Variants in BAZ1B observed in about 807,000 individuals in gnomAD.
The protein encoded by BAZ1B is bromodomain adjacent to zinc finger domain 1B, also known as tyrosine-protein kinase BAZ1B.
Under a neutral mutation model 153.8 loss-of-function variants are expected in BAZ1B, and 22 were observed. The observed-to-expected ratio is 0.14, with a 90% CI of 0.10 to 0.20. BAZ1B has a LOEUF of 0.20. Ranked by LOEUF, BAZ1B falls within the 10% of genes least tolerant of loss-of-function variation. The pLI, the probability that BAZ1B is intolerant of heterozygous loss-of-function variation, is 1.00. For missense variants in BAZ1B, 1,325 were observed against 1,799.3 expected (o/e 0.74, Z 4.77); for synonymous variants, 676 against 633.4 (o/e 1.07, Z -1.01).
chr7:73,446,082 G>A (rs1787825466), intron 16 of BAZ1B, among the ~76,000 whole-genome samples: 1 of 152,222 alleles, frequency 6.6e-6, no homozygotes, highest in South Asian at 2.1e-4. Context: ...GGGGGGGAAA[G>A]TGGGAGGACA....
rs898727996 is a variant in BAZ1B at position 73,521,886 on chromosome 7, C to T, written c.48G>A (p.Leu16=). 1 of 1,502,010 alleles carries T rather than the reference C, an allele frequency of 6.7e-7. No homozygotes were observed. The highest frequency in any genetic ancestry group is 2.1e-5 in the Admixed American group (1 of 47,396). The allele number at this position is 1,502,010 out of a possible 1,614,324, so 93.0% of individuals were successfully genotyped here. Reference sequence around the variant, plus strand: ...TGGTGAAGAGCGGCTCCTCTCCGGGCAACGGCTTCACCAGCGGGAAGGGCT... The same window carrying T: ...TGGTGAAGAGCGGCTCCTCTCCGGGTAACGGCTTCACCAGCGGGAAGGGCT... The part of the protein sequence containing the change: ...GRKPFPLVKP[L]PGEEPLFTIP... Residue 16 remains leucine (L), a synonymous_variant, in exon 1 of 20, where the codon TTG becomes TTA. Transcript: ENST00000339594.
At position 73,492,660 on chromosome 7, in the gene BAZ1B, T is replaced by A. The variant is rs1789698753; in HGVS notation, c.693+140A>T. The A allele has an allele frequency of 4.0e-6, 3 of 750,058 alleles. No homozygotes were observed. In the East Asian group the frequency reaches 8.2e-5, roughly 21 times the overall value. 46.5% of individuals were successfully genotyped at this position (750,058 alleles called of 1,614,324 possible). On this transcript the variant is annotated intron_variant, in intron 5 of 19. Transcript: ENST00000339594. The stretch of plus-strand genomic sequence containing the variant: ...TTTACATTAACTTGAAGTCATTAAT[T>A]ACTGTAACTACAAAACCACTCAGAA...
rs1788753759 is a variant in BAZ1B at position 73,470,381 on chromosome 7, C to T, written c.2696G>A (p.Arg899His). The T allele has an allele frequency of 2.5e-6, 4 of 1,614,068 alleles. No homozygotes were observed. The highest frequency in any genetic ancestry group is 4.5e-5 in the East Asian group (2 of 44,866). ...TCGATCTGTGCCAATAGGAGTCCTG[C>T]GCATGACTAGTTTGGCCTTGGCAAT... is the stretch of plus-strand genomic sequence containing the variant. Reference protein sequence around the residue: ...EGIAKAKLVMRRTPIGTDRNH... With the variant: ...EGIAKAKLVMHRTPIGTDRNH... The change falls in exon 8 of 20, where the codon CGC becomes CAC. Residue 899 changes from arginine (R) to histidine (H), a missense_variant. Physicochemically the swap from Arg to His is conservative, Grantham distance 29 (BLOSUM62 0). Coordinates refer to ENST00000339594, the MANE Select transcript of BAZ1B (RefSeq NM_032408.4).
At chr7:73,481,350 G>A (rs574122489) in intron 6 of BAZ1B, among the ~76,000 whole-genome samples, 43 of 151,754 alleles carry the variant, frequency 2.8e-4, no homozygotes, top group Admixed American at 1.8e-3. Context: ...CCCATCTCTA[G>A]TAAAAATACA....
chr7:73,497,078 A>AAAAAAAAAAAAAAAAAAAAC (rs1789936695), intron 4 of BAZ1B, among the ~76,000 whole-genome samples: 1 of 151,122 alleles, frequency 6.6e-6, no homozygotes, highest in African/African-American at 2.4e-5. Context: ...AAAAAAAAAA[A>AAAAAAAAAAAAAAAAAAAAC]AAAAACCTAC....
intron 16 of BAZ1B, among the ~76,000 whole-genome samples, 192 bp from the exon 17 acceptor site, chr7:73,444,321 G>A (rs781828325): frequency 4.6e-5 from 7 of 152,140 alleles, no homozygotes; most frequent in Admixed American, 1.3e-4. Context: ...AGTGGCAGCC[G>A]ATGAAGAATG....
rs551056215 is a variant in BAZ1B, at chr7:73,459,390, A to G, written c.3432+146T>C. The G allele has an allele frequency of 4.2e-5, 11 of 262,878 alleles. No homozygotes were observed. In the Admixed American group the frequency reaches 5.5e-4, roughly 13 times the overall value. The allele number at this position is 262,878 out of a possible 1,614,324, so 16.3% of individuals were successfully genotyped here. On this transcript the variant is annotated intron_variant, in intron 13 of 19. Transcript: ENST00000339594. ...ACCACAGAAGGGGTAGAAAGTGATTAAAAAAAAAAAAAACACACACACACA... is the reference window on the plus strand; with the variant it reads ...ACCACAGAAGGGGTAGAAAGTGATTGAAAAAAAAAAAAACACACACACACA...
At chr7:73,515,339 T>C (rs1790753396) in intron 1 of BAZ1B, among the ~76,000 whole-genome samples, 2 of 152,060 alleles carry the variant, frequency 1.3e-5, no homozygotes, top group Admixed American at 1.3e-4. Flanking sequence ...AAGAGGAATG[T>C]ACCTCCCCTC....
chr7:73,442,611 C>T (rs782720155), intron 18 of BAZ1B, 58 bp from the exon 19 acceptor site: 35 of 1,561,134 alleles, frequency 2.2e-5, no homozygotes, highest in Non-Finnish European at 2.9e-5. Context: ...GCCCCTGCCA[C>T]TGAGACACGT....
rs140665563 is a variant in BAZ1B at position 73,442,754 on chromosome 7, G to C, written c.4065C>G (p.Ile1355Met). 4 of 1,614,174 alleles carry C rather than the reference G, an allele frequency of 2.5e-6. No homozygotes were observed. The highest frequency in any genetic ancestry group is 1.3e-5 in the African/African-American group (1 of 75,052). Residue 1355 changes from isoleucine to methionine, a missense_variant, in exon 18 of 20, where the codon ATC becomes ATG. Ile to Met is a conservative substitution (Grantham distance 10, BLOSUM62 1). Transcript: ENST00000339594. ...LQKCEEILHK[I>M]VKYRFSWPFR... ...AGGGCCAGCTGAAGCGGTACTTCAC[G>C]ATCTTGTGGAGGATCTCTTCACACT...
At chr7:73,519,318 A>G (rs1790936304) in intron 1 of BAZ1B, among the ~76,000 whole-genome samples, 1 of 152,218 alleles carries the variant, frequency 6.6e-6, no homozygotes, top group African/African-American at 2.4e-5. Flanking sequence ...TACTACTTCA[A>G]AGGCAGCTGT....
chr7:73,476,586 T>C lies in BAZ1B; in HGVS notation c.2593+282A>G, dbSNP rs571269273. 3.3e-5 allele frequency among the ~76,000 whole-genome samples: 5 copies of C among 152,312 alleles called. No homozygotes were observed. In the East Asian group the frequency reaches 9.6e-4, roughly 29 times the overall value. ...CAGTCAACTCCCAAGTCCTATGTTGTTTCCACTATTTCTATTTGTAGATTT... is the reference window on the plus strand; with the variant it reads ...CAGTCAACTCCCAAGTCCTATGTTGCTTCCACTATTTCTATTTGTAGATTT... On this transcript the variant is annotated intron_variant, in intron 7 of 19. Coordinates refer to ENST00000339594, the MANE Select transcript of BAZ1B (RefSeq NM_032408.4).
At chr7:73,502,070 T>C (rs1349058701) in intron 3 of BAZ1B, among the ~76,000 whole-genome samples, 1 of 151,924 alleles carries the variant, frequency 6.6e-6, no homozygotes, top group East Asian at 1.9e-4. Context: ...TTTGTATTTT[T>C]AGTAGAGACA....
intron 7 of BAZ1B, among the ~76,000 whole-genome samples, chr7:73,471,961 C>G (rs539477936): frequency 8.6e-5 from 13 of 151,446 alleles, no homozygotes; most frequent in Middle Eastern, 3.5e-3. Flanking sequence ...AAACATAAAC[C>G]AACTTAGGAC....
chr7:73,500,220 C>A (rs1204894116), intron 3 of BAZ1B, among the ~76,000 whole-genome samples: 1 of 152,152 alleles, frequency 6.6e-6, no homozygotes, highest in African/African-American at 2.4e-5. Flanking sequence ...CTAAAAACTG[C>A]TCTTCAAAAA....
chr7:73,509,654 T>C (rs1242741193), intron 2 of BAZ1B, among the ~76,000 whole-genome samples: 1 of 148,402 alleles, frequency 6.7e-6, no homozygotes, highest in African/African-American at 2.5e-5. Flanking sequence ...CCAGGAGCTA[T>C]GTGCATACCA....
chr7:73,443,611 C>T (rs1787712978), intron 17 of BAZ1B, among the ~76,000 whole-genome samples: 1 of 152,152 alleles, frequency 6.6e-6, no homozygotes, highest in South Asian at 2.1e-4. Flanking sequence ...AGGGTAATGT[C>T]CCTCCCATAA....
At chr7:73,464,511 T>C (rs1788507660) in intron 11 of BAZ1B, among the ~76,000 whole-genome samples, 1 of 152,176 alleles carries the variant, frequency 6.6e-6, no homozygotes, top group Non-Finnish European at 1.5e-5. Context: ...CCCTATCCTC[T>C]GGCAACCACT....
At chr7:73,493,188 T>C (rs1308621820) in intron 4 of BAZ1B, among the ~76,000 whole-genome samples, 1 of 152,198 alleles carries the variant, frequency 6.6e-6, no homozygotes, top group Admixed American at 6.5e-5. Context: ...AGGCCGGGCG[T>C]GGTGGCTCAC....
Sources: gnomAD v4.1 joint callset for allele counts (sites outside exome capture counted in the v4.1 genomes callset) on GRCh38, gnomAD v4.1.1 for gene constraint, MANE v1.5 for transcripts, NCBI Gene and HGNC (gene_info 2026-07-23, HGNC 2026-07-21) for gene names.